MALRD1: variants seen among roughly 807,000 people sequenced by gnomAD.
The protein encoded by MALRD1 is MAM and LDL receptor class A domain containing 1, also known as MAM and LDL-receptor class A domain-containing protein 1.
MALRD1 carries 247 observed loss-of-function variants against 242.1 expected under a neutral mutation model. The observed-to-expected ratio is 1.02, with a 90% CI of 0.92 to 1.13. The LOEUF (loss-of-function observed/expected upper bound fraction) is 1.13, where lower values mean the gene tolerates loss of function less well. Ranked by LOEUF, MALRD1 falls within the 50% of genes most tolerant of loss-of-function variation. The probability of loss-of-function intolerance (pLI) is 0.00; values close to 1 mark genes in which losing one functional copy is unlikely to be tolerated. For missense variants in MALRD1, 2,989 were observed against 2,533.1 expected (o/e 1.18, Z -3.86); for synonymous variants, 995 against 866.6 (o/e 1.15, Z -2.60).
intron 2 of MALRD1, among the ~76,000 whole-genome samples, chr10:19,085,849 G>A (rs1835652032): frequency 6.6e-6 from 1 of 151,830 alleles, no homozygotes; most frequent in Non-Finnish European, 1.5e-5. Flanking sequence ...GTTTATCTCA[G>A]GGATTCTTTT....
chr10:19,576,827 A>G (rs537543489), intron 33 of MALRD1, among the ~76,000 whole-genome samples: 151 of 152,272 alleles, frequency 9.9e-4, no homozygotes, highest in African/African-American at 3.1e-3. Context: ...AATCCTCCCC[A>G]CAGGAAACCA....
chr10:19,409,495 A>G (rs887194685), intron 28 of MALRD1, among the ~76,000 whole-genome samples: 2 of 152,120 alleles, frequency 1.3e-5, no homozygotes, highest in African/African-American at 4.8e-5. Flanking sequence ...CATATTAGGG[A>G]TTGCAAAAAG....
rs1480763569 is a variant in MALRD1 at position 19,066,818 on chromosome 10, G to A, written c.299G>A (p.Gly100Asp). 8.1e-7 allele frequency: 1 copy of A among 1,233,556 alleles called. No homozygotes were observed. The highest frequency in any genetic ancestry group is 1.6e-5 in the African/African-American group (1 of 64,484). 76.4% of individuals were successfully genotyped at this position (1,233,556 alleles called of 1,614,324 possible). Residue 100 changes from glycine (G) to aspartate (D), a missense_variant, in exon 2 of 40, where the codon GGT becomes GAT. Physicochemically the swap from Gly to Asp is moderately conservative, Grantham distance 94. Coordinates refer to ENST00000454679, the MANE Select transcript of MALRD1 (RefSeq NM_001142308.3). ...PSWTKRSGMI[G>D]LSPPFYDHNG... is the part of the protein sequence containing the mutation. The stretch of plus-strand genomic sequence containing the variant: ...TGGACAAAGAGAAGTGGGATGATTG[G>A]TCTATCACCTCCATTTTATGATCAC...
intron 32 of MALRD1, among the ~76,000 whole-genome samples, chr10:19,562,665 C>G (rs1054661061): frequency 6.6e-6 from 1 of 152,076 alleles, no homozygotes; most frequent in African/African-American, 2.4e-5. Flanking sequence ...CAGGGGTATC[C>G]AAGCTCTGGG....
chr10:19,338,649 G>A (rs1843708611), intron 24 of MALRD1, among the ~76,000 whole-genome samples: 1 of 151,474 alleles, frequency 6.6e-6, no homozygotes, highest in Admixed American at 6.6e-5. Flanking sequence ...TATATTTATG[G>A]GGTACATGAG....
intron 32 of MALRD1, among the ~76,000 whole-genome samples, chr10:19,552,821 C>T (rs894694635): frequency 3.9e-5 from 6 of 152,004 alleles, no homozygotes; most frequent in African/African-American, 1.4e-4. Flanking sequence ...TTCTGCTCTC[C>T]TGCCCTCCTT....
chr10:19,084,680 A>G (rs1005306021), intron 2 of MALRD1, among the ~76,000 whole-genome samples: 1 of 151,904 alleles, frequency 6.6e-6, no homozygotes, highest in Non-Finnish European at 1.5e-5. Flanking sequence ...TGCCAAAGTT[A>G]TTGGATTTAG....
intron 28 of MALRD1, among the ~76,000 whole-genome samples, chr10:19,394,071 C>A (rs1367244726): frequency 6.6e-6 from 1 of 152,128 alleles, no homozygotes; most frequent in Non-Finnish European, 1.5e-5. Flanking sequence ...TCAGGACTAT[C>A]CATTATGCAG....
At position 19,347,777 on chromosome 10, in the gene MALRD1, C is replaced by G; in HGVS notation, c.3908C>G (p.Ser1303Cys). 6.5e-7 allele frequency: 1 copy of G among 1,550,318 alleles called. No homozygotes were observed. Among genetic ancestry groups the G allele is most frequent in the Non-Finnish European group, 8.7e-7 (1 of 1,146,810 alleles). Residue 1303 changes from serine to cysteine, a missense_variant, in exon 25 of 40, where the codon TCC becomes TGC. Physicochemically the swap from Ser to Cys is moderately radical, Grantham distance 112 (BLOSUM62 -1). Coordinates refer to ENST00000454679, the MANE Select transcript of MALRD1 (RefSeq NM_001142308.3). ...SDETTFICRTSSGRCDFEFDL... is the reference protein window; with the variant it reads ...SDETTFICRTCSGRCDFEFDL... Reference sequence around the variant, plus strand: ...ATTTGGAAATATTTTCCAGGTACCTCCAGTGGGCGCTGTGATTTCGAATTT... The same window carrying G: ...ATTTGGAAATATTTTCCAGGTACCTGCAGTGGGCGCTGTGATTTCGAATTT...
intron 19 of MALRD1, among the ~76,000 whole-genome samples, chr10:19,267,443 T>A (rs1564515326): frequency 6.6e-6 from 1 of 152,082 alleles, no homozygotes; most frequent in Non-Finnish European, 1.5e-5. Context: ...GTTGTTTTGT[T>A]GTTGTTGAAC....
intron 13 of MALRD1, among the ~76,000 whole-genome samples, chr10:19,166,098 A>T (rs12252961): frequency 6.6e-6 from 1 of 152,250 alleles, no homozygotes; most frequent in African/African-American, 2.4e-5. Flanking sequence ...AGACATGTGT[A>T]GAATAGTAGC....
chr10:19,241,084 G>A (rs1335666406), intron 18 of MALRD1, among the ~76,000 whole-genome samples: 2 of 152,082 alleles, frequency 1.3e-5, no homozygotes, highest in Non-Finnish European at 2.9e-5. Flanking sequence ...CATAAGATGA[G>A]TATGGAAGTC....
At chr10:19,408,782 A>C (rs1167873423) in intron 28 of MALRD1, among the ~76,000 whole-genome samples, 1 of 152,204 alleles carries the variant, frequency 6.6e-6, no homozygotes, top group African/African-American at 2.4e-5. Context: ...GTCAATACCA[A>C]GTGCTTGGGA....
intron 1 of MALRD1, among the ~76,000 whole-genome samples, chr10:19,060,715 G>A (rs1834799090): frequency 6.6e-6 from 1 of 152,138 alleles, no homozygotes. Context: ...TAGAGGCAAT[G>A]ACCAGAGAGA....
intron 21 of MALRD1, among the ~76,000 whole-genome samples, chr10:19,288,093 CT>C (rs1214125145): frequency 6.6e-6 from 1 of 150,686 alleles, no homozygotes; most frequent in East Asian, 1.9e-4. Context: ...AATTATTTTT[CT>C]TTTTTGGAGT....
chr10:19,695,907 C>A (rs935477921), intron 38 of MALRD1, among the ~76,000 whole-genome samples: 3 of 152,034 alleles, frequency 2.0e-5, no homozygotes, highest in South Asian at 4.1e-4. Flanking sequence ...TCTTGTGAGA[C>A]GTAATCACTA....
intron 2 of MALRD1, among the ~76,000 whole-genome samples, chr10:19,081,287 C>T (rs1186878698): frequency 2.6e-5 from 4 of 151,792 alleles, no homozygotes; most frequent in African/African-American, 4.8e-5. Flanking sequence ...TAAATATAAA[C>T]GATTCTATTA....
chr10:19,631,387 T>G (rs966548307), intron 36 of MALRD1, among the ~76,000 whole-genome samples: 6 of 152,236 alleles, frequency 3.9e-5, no homozygotes, highest in Non-Finnish European at 8.8e-5. Context: ...TTTTGTCCAG[T>G]CTGCCATTGA....
intron 38 of MALRD1, among the ~76,000 whole-genome samples, chr10:19,718,034 AGGAAGAAG>A (rs1459370555): frequency 2.9e-3 from 342 of 119,984 alleles, no homozygotes; most frequent in African/African-American, 4.4e-3. Context: ...ATAAATAAAG[AGGAAGAAG>A]AAGAGGAAGA....
Sources: gnomAD v4.1 joint callset for allele counts (sites outside exome capture counted in the v4.1 genomes callset) on GRCh38, gnomAD v4.1.1 for gene constraint, MANE v1.5 for transcripts, NCBI Gene and HGNC (gene_info 2026-07-23, HGNC 2026-07-21) for gene names.